SGMS1: variants seen among roughly 807,000 people sequenced by gnomAD.
SGMS1 encodes sphingomyelin synthase 1.
Under a neutral mutation model 46.2 loss-of-function variants are expected in SGMS1, and 13 were observed. The ratio of observed to expected loss-of-function variants is 0.28; its 90% CI spans 0.18 to 0.45. The LOEUF (loss-of-function observed/expected upper bound fraction) is 0.45, where lower values mean the gene tolerates loss of function less well. Among genes scored for constraint, SGMS1 ranks in the 20% least tolerant of loss-of-function variants. The pLI is 1.00. For synonymous variants in SGMS1, 203 were observed against 187.8 expected, an observed-to-expected ratio of 1.08 and a Z score of -0.66; for missense variants, 324 against 519.9, an observed-to-expected ratio of 0.62 and a Z score of 3.66.
chr10:50,354,505 C>A (rs1030444251), intron 6 of SGMS1, among the ~76,000 whole-genome samples: 5 of 152,178 alleles, frequency 3.3e-5, no homozygotes, highest in African/African-American at 9.7e-5. Flanking sequence ...AAAACCTAGG[C>A]AATACCATTC....
intron 3 of SGMS1, among the ~76,000 whole-genome samples, chr10:50,471,258 C>G (rs140135315): frequency 2.0e-5 from 3 of 152,128 alleles, no homozygotes; most frequent in Non-Finnish European, 4.4e-5. Flanking sequence ...AGAAGAGGTA[C>G]TTTATCCCTT....
At chr10:50,320,503 A>T (rs1015066545) in intron 8 of SGMS1, among the ~76,000 whole-genome samples, 3 of 152,186 alleles carry the variant, frequency 2.0e-5, no homozygotes, top group African/African-American at 7.2e-5. Context: ...CTATCAATGG[A>T]GAGAGATGCT....
In SGMS1 at chr10:50,604,958, A is replaced by G. The variant is rs191771282; in HGVS notation, c.-683-14711T>C. ...TTTAGAAAATGTGAGCAATGTAAAC[A>G]AACAGATTTGACTGGCATTGTTTAA... On this transcript the variant is annotated intron_variant, in intron 1 of 10. Coordinates refer to ENST00000361781, the MANE Select transcript of SGMS1 (RefSeq NM_147156.4). Among the ~76,000 whole-genome samples, 14 of 152,398 alleles carry G rather than the reference A, an allele frequency of 9.2e-5. No homozygotes were observed. In the East Asian group the frequency reaches 2.5e-3, roughly 27 times the overall value.
At chr10:50,450,713 T>TA (rs1837096225) in intron 5 of SGMS1, among the ~76,000 whole-genome samples, 1 of 151,934 alleles carries the variant, frequency 6.6e-6, no homozygotes, top group Non-Finnish European at 1.5e-5. Flanking sequence ...GACCCAAGAT[T>TA]AAAAAACCCA....
At chr10:50,373,333 G>A (rs1848471381) in intron 6 of SGMS1, among the ~76,000 whole-genome samples, 1 of 152,136 alleles carries the variant, frequency 6.6e-6, no homozygotes, top group Non-Finnish European at 1.5e-5. Flanking sequence ...CAGGTCCTAC[G>A]CACTAAAATA....
intron 6 of SGMS1, among the ~76,000 whole-genome samples, chr10:50,389,260 T>C (rs1327699757): frequency 3.3e-5 from 5 of 152,212 alleles, no homozygotes. Flanking sequence ...TTTATGTTTA[T>C]AGTTTACCTT....
chr10:50,413,060 A>C (rs547100170), intron 6 of SGMS1, among the ~76,000 whole-genome samples: 1 of 152,358 alleles, frequency 6.6e-6, no homozygotes, highest in East Asian at 1.9e-4. Context: ...TTACATTTTA[A>C]AAAGCATCAG....
At chr10:50,441,356 ATC>A (rs1314832723) in intron 5 of SGMS1, among the ~76,000 whole-genome samples, 3 of 152,142 alleles carry the variant, frequency 2.0e-5, no homozygotes, top group African/African-American at 7.2e-5. Context: ...TTATTTCCAA[ATC>A]TCTATATTTC....
intron 2 of SGMS1, among the ~76,000 whole-genome samples, chr10:50,542,006 C>T (rs1397231104): frequency 6.6e-6 from 1 of 151,972 alleles, no homozygotes; most frequent in African/African-American, 2.4e-5. Flanking sequence ...GCTGCATGTC[C>T]CACTCTTTTG....
At chr10:50,612,094 T>C (rs543363034) in intron 1 of SGMS1, among the ~76,000 whole-genome samples, 3 of 152,358 alleles carry the variant, frequency 2.0e-5, no homozygotes, top group Admixed American at 2.0e-4. Context: ...AGGTTTGTTC[T>C]CTACCATCCT....
chr10:50,381,984 T>C (rs2339400), intron 6 of SGMS1, among the ~76,000 whole-genome samples: 55,270 of 152,132 alleles, frequency 0.36, 10,190 homozygotes, highest in Admixed American at 0.41. Flanking sequence ...AGCTGTAAAA[T>C]GCAGGGTGGA....
At chr10:50,377,568 T>C (rs1166256059) in intron 6 of SGMS1, among the ~76,000 whole-genome samples, 4 of 152,202 alleles carry the variant, frequency 2.6e-5, no homozygotes, top group South Asian at 2.1e-4. Flanking sequence ...TGGTACGCCA[T>C]ACTTCTCAGC....
At chr10:50,311,475 G>A (rs1240609024) in intron 8 of SGMS1, 60 bp from the exon 9 acceptor site, 1 of 1,504,878 alleles carries the variant, frequency 6.6e-7, no homozygotes, top group East Asian at 2.5e-5. Flanking sequence ...ATGAAAATGT[G>A]CGAAGATTAC....
chr10:50,522,939 T>G (rs1372755280), intron 2 of SGMS1, among the ~76,000 whole-genome samples: 1 of 152,112 alleles, frequency 6.6e-6, no homozygotes, highest in African/African-American at 2.4e-5. Context: ...CATACAAATC[T>G]CAGCCACTTC....
intron 3 of SGMS1, among the ~76,000 whole-genome samples, chr10:50,480,335 T>C (rs1451143753): frequency 6.6e-6 from 1 of 151,858 alleles, no homozygotes; most frequent in Non-Finnish European, 1.5e-5. Context: ...TGGCAGTTAG[T>C]GCTAAATAAA....
intron 6 of SGMS1, among the ~76,000 whole-genome samples, chr10:50,349,691 G>A (rs1044760668): frequency 2.0e-5 from 3 of 152,148 alleles, no homozygotes; most frequent in Non-Finnish European, 4.4e-5. Flanking sequence ...TAAGCCTCAT[G>A]AGATCTGATG....
Position 50,343,582 on chromosome 10 carries a change from T to G in SGMS1, c.533A>C (p.Asn178Thr). 6.2e-7 allele frequency: 1 copy of G among 1,613,944 alleles called. No homozygotes were observed. Reference sequence around the variant, plus strand: ...AATAGAAAAGGCCCACTGCACCCGGTTAAAATGGTCAAAAAATGTGTCCGG... The same window carrying G: ...AATAGAAAAGGCCCACTGCACCCGGGTAAAATGGTCAAAAAATGTGTCCGG... Reference protein sequence around the residue: ...PLPDTFFDHFNRVQWAFSICE... With the variant: ...PLPDTFFDHFTRVQWAFSICE... The change falls in exon 7 of 11, where the codon AAC becomes ACC. Residue 178 changes from asparagine to threonine, a missense_variant. Asn to Thr is a moderately conservative substitution (Grantham distance 65). Around this residue, in one of 2 missense-constraint regions of SGMS1, gnomAD observed 174 missense variants for 350.1 expected, o/e 0.50. Transcript: ENST00000361781.
Position 50,587,633 on chromosome 10 carries a change from A to ATATGTGTGTGTGTGTGTGTG in SGMS1, c.-589+2519_-589+2520insCACACACACACACACACATA, listed in dbSNP as rs760688384. Among the ~76,000 whole-genome samples the ATATGTGTGTGTGTGTGTGTG allele has an allele frequency of 1.7e-4, 24 of 138,172 alleles. 1 individual carries two copies. The highest frequency in any genetic ancestry group is 3.1e-4 in the Non-Finnish European group (20 of 64,226). The allele number at this position is 138,172 out of a possible 152,430, so 90.6% of individuals were successfully genotyped here. A position where few individuals can be genotyped will look rare whatever the true frequency, so the allele number is the denominator to read the frequency against. On this transcript the variant is annotated intron_variant, in intron 2 of 10. Coordinates refer to ENST00000361781, the MANE Select transcript of SGMS1 (RefSeq NM_147156.4). ...AGCAAGACTGCATCTCAAAATATATATGTGTGTGTGTGTGTGTGTGTGTGT... is the reference window on the plus strand; with the variant it reads ...AGCAAGACTGCATCTCAAAATATATATATGTGTGTGTGTGTGTGTGTGTGTGTGTGTGTGTGTGTGTGTGT...
intron 3 of SGMS1, among the ~76,000 whole-genome samples, chr10:50,489,145 A>T (rs1837547445): frequency 6.6e-6 from 1 of 152,252 alleles, no homozygotes; most frequent in Non-Finnish European, 1.5e-5. Context: ...TACAGAGTGG[A>T]CACTATAATC....
Sources: allele counts gnomAD v4.1 joint callset (sites outside exome capture counted in the v4.1 genomes callset), GRCh38; gene constraint gnomAD v4.1.1; regional missense constraint gnomAD v4.1.1; transcripts MANE v1.5; gene names NCBI Gene and HGNC (gene_info 2026-07-23, HGNC 2026-07-21).